The following THSD7B variants were observed in gnomAD, a reference collection of about 807,000 sequenced individuals.
THSD7B encodes the protein thrombospondin type 1 domain containing 7B.
THSD7B carries 138 observed loss-of-function variants against 213.6 expected under a neutral mutation model. The ratio of observed to expected loss-of-function variants is 0.65; its 90% confidence interval spans 0.56 to 0.74. The LOEUF is 0.74. Ranked by LOEUF, THSD7B falls within the 30% of genes least tolerant of loss-of-function variation. THSD7B has a pLI of 0.00. For synonymous variants in THSD7B, 742 were observed against 687.0 expected (o/e 1.08, Z -1.25); for missense variants, 1,931 against 1,991.5 (o/e 0.97, Z 0.58).
chr2:137,013,264 C>T (rs1046045269), intron 2 of THSD7B, among the ~76,000 whole-genome samples: 3 of 152,144 alleles, frequency 2.0e-5, no homozygotes, highest in African/African-American at 7.2e-5. Flanking sequence ...GTTTGAAAGA[C>T]ACTGGATATC....
In THSD7B at chr2:137,573,727, T is replaced by C. The variant is rs572423136; in HGVS notation, c.3423+1171T>C. Among the ~76,000 whole-genome samples, 9 of 152,246 alleles carry C rather than the reference T, an allele frequency of 5.9e-5. No individual in the cohort carries two copies. The South Asian group carries it at 1.9e-3, about 32-fold the overall frequency. ...AATCCTATTAGGTTGGTAGTATTAC[T>C]AGTTCATTGTTCAGCTTAGAAACTG... On this transcript the variant is annotated intron_variant, in intron 17 of 27. Coordinates refer to ENST00000409968, the MANE Select transcript of THSD7B (RefSeq NM_001316349.2).
At chr2:137,445,216 A>G (rs974926465) in intron 14 of THSD7B, among the ~76,000 whole-genome samples, 2 of 152,108 alleles carry the variant, frequency 1.3e-5, no homozygotes, top group Non-Finnish European at 2.9e-5. Context: ...TCAAAAGACT[A>G]AAAATAGAAC....
intron 19 of THSD7B, among the ~76,000 whole-genome samples, chr2:137,619,433 G>A (rs150372063): frequency 9.2e-5 from 14 of 152,294 alleles, no homozygotes; most frequent in Admixed American, 2.6e-4. Flanking sequence ...TGCAGACTAC[G>A]TCACCAGTCC....
chr2:137,166,586 A>G (rs1230240547), intron 6 of THSD7B, among the ~76,000 whole-genome samples: 1 of 152,192 alleles, frequency 6.6e-6, no homozygotes, highest in Non-Finnish European at 1.5e-5. Flanking sequence ...GTCCTTAAAA[A>G]TTCCCAAAGG....
chr2:137,096,124 T>C (rs188466811), intron 4 of THSD7B, among the ~76,000 whole-genome samples: 1 of 152,278 alleles, frequency 6.6e-6, no homozygotes, highest in African/African-American at 2.4e-5. Context: ...CAGACAGAAA[T>C]CTGTTAGGGA....
chr2:137,589,151 T>G (rs924871008), intron 17 of THSD7B, among the ~76,000 whole-genome samples: 4 of 152,328 alleles, frequency 2.6e-5, no homozygotes, highest in East Asian at 3.9e-4. Flanking sequence ...TTCCTGCCAT[T>G]TGATTTTCTT....
chr2:137,568,725 G>A (rs963824382), intron 16 of THSD7B, among the ~76,000 whole-genome samples: 2 of 152,110 alleles, frequency 1.3e-5, no homozygotes, highest in Admixed American at 6.6e-5. Context: ...TCACTGTCAC[G>A]AGAACAGCAT....
At chr2:137,138,764 G>A (rs75566350) in intron 5 of THSD7B, among the ~76,000 whole-genome samples, 2,934 of 152,246 alleles carry the variant, frequency 0.019, 78 homozygotes, top group Admixed American at 0.052. Context: ...AAATGTGTGG[G>A]AAACCACTGT....
At chr2:136,986,150 G>T (rs949501452) in intron 2 of THSD7B, among the ~76,000 whole-genome samples, 1 of 151,998 alleles carries the variant, frequency 6.6e-6, no homozygotes, top group African/African-American at 2.4e-5. Context: ...TTTGGACTTG[G>T]AACTTGGGAC....
intron 18 of THSD7B, among the ~76,000 whole-genome samples, chr2:137,616,847 G>T (rs1682396996): frequency 6.6e-6 from 1 of 152,290 alleles, no homozygotes; most frequent in Admixed American, 6.5e-5. Context: ...GCACCACAGT[G>T]CTCAGTGTCT....
intron 15 of THSD7B, among the ~76,000 whole-genome samples, chr2:137,533,161 C>T (rs113004653): frequency 0.073 from 11,072 of 151,656 alleles, 448 homozygotes; most frequent in African/African-American, 0.089. Context: ...CACCAAACTG[C>T]GTTTGAGTAT....
At chr2:136,973,056 C>G (rs923117735) in intron 2 of THSD7B, among the ~76,000 whole-genome samples, 5 of 152,158 alleles carry the variant, frequency 3.3e-5, no homozygotes, top group African/African-American at 1.2e-4. Context: ...TCATTACTGT[C>G]TTCTTTGGAT....
At chr2:137,415,664 GTTTTTTTTTTTTTT>G (rs10563702) in intron 14 of THSD7B, among the ~76,000 whole-genome samples, 3 of 80,102 alleles carry the variant, frequency 3.7e-5, no homozygotes, top group Admixed American at 3.6e-4. Context: ...TTATATCAGT[GTTTTTTTTTTTTTT>G]TTTTTTTTTT....
chr2:137,636,404 A>G lies in THSD7B; in HGVS notation c.3800-6084A>G, dbSNP rs1202530531. Among the ~76,000 whole-genome samples the G allele has an allele frequency of 2.6e-5, 4 of 152,244 alleles. No individual in the cohort carries two copies. The East Asian group carries it at 7.7e-4, about 29-fold the overall frequency. On this transcript the variant is annotated intron_variant, in intron 20 of 27. Transcript: ENST00000409968. The stretch of plus-strand genomic sequence containing the variant: ...TCAAGCTGTGAAAGTCAGCTATGAA[A>G]CATCAAGATCTCTTACAGCTATCAT...
chr2:137,435,450 G>A (rs895597953), intron 14 of THSD7B, among the ~76,000 whole-genome samples: 1 of 152,172 alleles, frequency 6.6e-6, no homozygotes, highest in Non-Finnish European at 1.5e-5. Flanking sequence ...GTGCAATGAT[G>A]AATCACTATG....
At chr2:136,888,635 G>A (rs1399332621) in intron 2 of THSD7B, among the ~76,000 whole-genome samples, 1 of 152,044 alleles carries the variant, frequency 6.6e-6, no homozygotes, top group Non-Finnish European at 1.5e-5. Flanking sequence ...ATATCCAAAA[G>A]TATAGACATA....
At chr2:137,040,722 T>C (rs1686868181) in intron 2 of THSD7B, among the ~76,000 whole-genome samples, 1 of 152,170 alleles carries the variant, frequency 6.6e-6, no homozygotes. Flanking sequence ...CTGAGACCTG[T>C]AGATCTCACA....
intron 12 of THSD7B, among the ~76,000 whole-genome samples, chr2:137,369,393 T>G (rs1685495005): frequency 6.6e-6 from 1 of 152,188 alleles, no homozygotes. Context: ...AGAGATGCCC[T>G]CAATGCCAGA....
In THSD7B at chr2:137,657,100, CTT is replaced by C; in HGVS notation, c.4317_4318del (p.Trp1440GlufsTer3). Reference protein sequence around the residue: ...KCYHYTWKASLWNNNERTVWC... With the variant: ...KCYHYTWKASXWNNNERTVWC... ...TTATCACTACACATGGAAAGCAAGT[CTT>C]TGGAACAATAACGAACGAACTGTAT... On this transcript the variant is annotated frameshift_variant, in exon 24 of 28. Coordinates refer to ENST00000409968, the MANE Select transcript of THSD7B (RefSeq NM_001316349.2). LOFTEE classifies it high-confidence loss of function. 6.2e-7 allele frequency: 1 copy of C among 1,613,972 alleles called. No homozygotes were observed.
Sources: gnomAD v4.1 joint callset for allele counts (sites outside exome capture counted in the v4.1 genomes callset) on GRCh38, gnomAD v4.1.1 for gene constraint, MANE v1.5 for transcripts, NCBI Gene and HGNC (gene_info 2026-07-23, HGNC 2026-07-21) for gene names.